The following TCF7L2 variants were observed in gnomAD, a reference collection of about 807,000 sequenced individuals.
TCF7L2 encodes transcription factor 7 like 2.
TCF7L2 carries 23 observed loss-of-function variants against 77.9 expected under a neutral mutation model. That is an observed-to-expected ratio of 0.30 (90% confidence interval 0.21 to 0.42). TCF7L2 has a LOEUF of 0.42. Among genes scored for constraint, TCF7L2 ranks in the 10% least tolerant of loss-of-function variants. The probability of loss-of-function intolerance (pLI) is 1.00; values close to 1 mark genes in which losing one functional copy is unlikely to be tolerated. For missense variants in TCF7L2, 654 were observed against 793.1 expected, an observed-to-expected ratio of 0.82 and a Z score of 2.11; for synonymous variants, 413 against 340.2, an observed-to-expected ratio of 1.21 and a Z score of -2.36.
At chr10:112,969,313 A>G (rs2037714473) in intron 4 of TCF7L2, among the ~76,000 whole-genome samples, 1 of 152,154 alleles carries the variant, frequency 6.6e-6, no homozygotes, top group Admixed American at 6.5e-5. Context: ...TTTGGGTAGC[A>G]ATGGTTTGCT....
At position 113,144,011 on chromosome 10, in the gene TCF7L2, A is replaced by G. The variant is rs1191562219; in HGVS notation, c.774A>G (p.Gly258=). 12 of 1,613,852 alleles carry G rather than the reference A, an allele frequency of 7.4e-6. No homozygotes were observed. The highest frequency in any genetic ancestry group is 1.0e-5 in the Non-Finnish European group (12 of 1,179,852). ...TAGGACAAATCCCCCATCCGCTAGG[A>G]TGGTTAGTACCACAGTAAGGAGTTC... The change falls in exon 7 of 14, where the codon GGA becomes GGG. Residue 258 remains glycine (G), a synonymous_variant. Coordinates refer to ENST00000627217, the MANE Select transcript of TCF7L2 (RefSeq NM_001146274.2).
intron 5 of TCF7L2, among the ~76,000 whole-genome samples, chr10:113,062,058 A>T (rs1156424340): frequency 2.0e-5 from 3 of 152,212 alleles, no homozygotes; most frequent in Non-Finnish European, 4.4e-5. Context: ...TTGAGGGTGT[A>T]GAGAGCAAAA....
At chr10:112,995,930 C>G (rs111970335) in intron 4 of TCF7L2, among the ~76,000 whole-genome samples, 2,303 of 152,244 alleles carry the variant, frequency 0.015, 66 homozygotes, top group African/African-American at 0.052. Context: ...TAATCTTTGC[C>G]TCAAATTTCC....
At chr10:113,095,510 G>T (rs2060862747) in intron 5 of TCF7L2, among the ~76,000 whole-genome samples, 1 of 152,188 alleles carries the variant, frequency 6.6e-6, no homozygotes, top group Admixed American at 6.5e-5. Flanking sequence ...AGTGGGCACT[G>T]CAGTGCCTCC....
chr10:112,951,319 G>C (rs1485920864), intron 2 of TCF7L2, 46 bp downstream of exon 2: 11 of 1,011,830 alleles, frequency 1.1e-5, no homozygotes, highest in Non-Finnish European at 1.3e-5. Flanking sequence ...GCCGCCCCCC[G>C]GGCCGGCCGC....
intron 5 of TCF7L2, among the ~76,000 whole-genome samples, chr10:113,087,834 T>A (rs2059985313): frequency 6.6e-6 from 1 of 152,208 alleles, no homozygotes; most frequent in African/African-American, 2.4e-5. Context: ...GTGGATGGTT[T>A]TAATCCATCT....
intron 5 of TCF7L2, among the ~76,000 whole-genome samples, chr10:113,096,138 G>A (rs569360866): frequency 1.3e-5 from 2 of 152,278 alleles, no homozygotes; most frequent in African/African-American, 4.8e-5. Context: ...TCCCATATGA[G>A]AATATGCAGT....
chr10:113,102,285 G>A (rs1261028897), intron 5 of TCF7L2, among the ~76,000 whole-genome samples: 1 of 151,998 alleles, frequency 6.6e-6, no homozygotes, highest in Middle Eastern at 3.2e-3. Flanking sequence ...CACTGTTTAT[G>A]CCTAAGTTTT....
At chr10:113,118,518 G>GTGTGTGTGTGT (rs2064187204) in intron 5 of TCF7L2, among the ~76,000 whole-genome samples, 1 of 45,482 alleles carries the variant, frequency 2.2e-5, no homozygotes, top group Admixed American at 3.4e-4. Context: ...GGTCATCTGG[G>GTGTGTGTGTGT]GGGTGTGTGT....
chr10:113,050,104 C>T (rs1417438680), intron 5 of TCF7L2, among the ~76,000 whole-genome samples: 1 of 152,162 alleles, frequency 6.6e-6, no homozygotes, highest in East Asian at 1.9e-4. Context: ...TGTTTTCTAG[C>T]CCGAGCCTGC....
At chr10:113,100,811 C>A (rs1359747485) in intron 5 of TCF7L2, among the ~76,000 whole-genome samples, 3 of 152,144 alleles carry the variant, frequency 2.0e-5, no homozygotes, top group African/African-American at 7.2e-5. Flanking sequence ...CGTGGTGGCT[C>A]ACGCCTGTAA....
At chr10:112,983,217 AT>A (rs1267414888) in intron 4 of TCF7L2, among the ~76,000 whole-genome samples, 1 of 151,710 alleles carries the variant, frequency 6.6e-6, no homozygotes, top group Admixed American at 6.6e-5. Context: ...CATGCCTGTA[AT>A]CCCAGCACTT....
chr10:112,976,050 A>C (rs1265331805), intron 4 of TCF7L2, among the ~76,000 whole-genome samples: 4 of 152,198 alleles, frequency 2.6e-5, no homozygotes, highest in Non-Finnish European at 5.9e-5. Flanking sequence ...GGAGTCAGGT[A>C]TATCTATCTG....
chr10:113,012,884 C>T (rs1404368444), intron 4 of TCF7L2, among the ~76,000 whole-genome samples: 1 of 152,180 alleles, frequency 6.6e-6, no homozygotes, highest in Non-Finnish European at 1.5e-5. Flanking sequence ...TCAGTAAGTG[C>T]TGACTGACTG....
chr10:113,060,946 C>G (rs927712032), intron 5 of TCF7L2, among the ~76,000 whole-genome samples: 2 of 152,096 alleles, frequency 1.3e-5, no homozygotes, highest in Admixed American at 1.3e-4. Flanking sequence ...TAGGCAAAAT[C>G]TTGCATTTTT....
At chr10:112,971,344 G>A (rs547718355) in intron 4 of TCF7L2, among the ~76,000 whole-genome samples, 1 of 152,178 alleles carries the variant, frequency 6.6e-6, no homozygotes, top group Admixed American at 6.5e-5. Context: ...GTCCAGGCTG[G>A]AGTTTTTCCT....
intron 4 of TCF7L2, among the ~76,000 whole-genome samples, chr10:113,005,421 A>G (rs1418594642): frequency 6.6e-6 from 1 of 152,164 alleles, no homozygotes. Context: ...GGCAGGGAGC[A>G]TGACCTGGCT....
chr10:113,087,155 G>A (rs2059923030), intron 5 of TCF7L2, among the ~76,000 whole-genome samples: 1 of 152,224 alleles, frequency 6.6e-6, no homozygotes, highest in Non-Finnish European at 1.5e-5. Context: ...CCCAGGCATG[G>A]AAGAATATCT....
intron 5 of TCF7L2, among the ~76,000 whole-genome samples, chr10:113,071,844 T>TC (rs1224609517): frequency 6.6e-6 from 1 of 151,816 alleles, no homozygotes; most frequent in Non-Finnish European, 1.5e-5. Flanking sequence ...CTTGGAGGAC[T>TC]CCCCCCCACC....
Sources: gnomAD v4.1 joint callset for allele counts (sites outside exome capture counted in the v4.1 genomes callset) on GRCh38, gnomAD v4.1.1 for gene constraint, MANE v1.5 for transcripts, NCBI Gene and HGNC (gene_info 2026-07-23, HGNC 2026-07-21) for gene names.